Variants in RFC1 observed in about 807,000 individuals in gnomAD.
RFC1 encodes the protein replication factor C subunit 1.
RFC1 carries 37 observed loss-of-function variants against 137.4 expected under a neutral mutation model. The observed-to-expected ratio is 0.27, with a 90% CI of 0.21 to 0.35. RFC1 has a LOEUF of 0.35. Ranked by LOEUF, RFC1 falls within the 10% of genes least tolerant of loss-of-function variation. The probability of loss-of-function intolerance (pLI) is 1.00; values close to 1 mark genes in which losing one functional copy is unlikely to be tolerated. For synonymous variants in RFC1, 429 were observed against 455.7 expected (o/e 0.94, Z 0.75); for missense variants, 1,205 against 1,358.5 (o/e 0.89, Z 1.78).
intron 10 of RFC1, among the ~76,000 whole-genome samples, chr4:39,314,952 A>G (rs540069553): frequency 3.9e-4 from 59 of 152,132 alleles, no homozygotes; most frequent in African/African-American, 1.3e-3. Flanking sequence ...CATGCTTTAA[A>G]TATCTCCTAC....
intron 5 of RFC1, 74 bp from the exon 6 acceptor site, chr4:39,326,714 T>G: frequency 8.6e-7 from 1 of 1,159,676 alleles, no homozygotes; most frequent in Non-Finnish European, 1.3e-6. Flanking sequence ...TCTTGACTGT[T>G]GCTGATTAAA....
At chr4:39,288,936 C>A in intron 24 of RFC1, 92 bp from the exon 25 acceptor site, 5 of 833,464 alleles carry the variant, frequency 6.0e-6, no homozygotes, top group Non-Finnish European at 9.8e-6. Flanking sequence ...TCTTTACCTG[C>A]AACTTAATTA....
intron 4 of RFC1, among the ~76,000 whole-genome samples, chr4:39,328,806 G>A (rs1014512237): frequency 2.0e-5 from 3 of 152,068 alleles, no homozygotes; most frequent in Admixed American, 1.3e-4. Context: ...ACTGCAGAGC[G>A]GGGAAAGTGA....
At chr4:39,297,351 T>C (rs1255011320) in intron 21 of RFC1, among the ~76,000 whole-genome samples, 4 of 106,350 alleles carry the variant, frequency 3.8e-5, no homozygotes, top group Non-Finnish European at 7.4e-5. Flanking sequence ...TGAATGGTAA[T>C]GCCTAGGTTT....
At chr4:39,345,854 T>C (rs1740835654) in intron 2 of RFC1, among the ~76,000 whole-genome samples, 1 of 152,166 alleles carries the variant, frequency 6.6e-6, no homozygotes, top group Non-Finnish European at 1.5e-5. Flanking sequence ...TTTACTGTCA[T>C]GTAACAGGTA....
intron 11 of RFC1, among the ~76,000 whole-genome samples, 173 bp downstream of exon 11, chr4:39,312,579 C>CAA (rs1739009157): frequency 6.6e-6 from 1 of 152,026 alleles, no homozygotes; most frequent in Non-Finnish European, 1.5e-5. Context: ...ATTGGAAAAC[C>CAA]AAAATCCTGG....
intron 15 of RFC1, 97 bp downstream of exon 15, chr4:39,304,717 G>T: frequency 1.3e-6 from 1 of 781,036 alleles, no homozygotes; most frequent in Non-Finnish European, 2.3e-6. Context: ...TTAGTAGGGT[G>T]CTTGGCACAC....
At chr4:39,357,073 T>C (rs576150133) in intron 1 of RFC1, among the ~76,000 whole-genome samples, 1 of 152,264 alleles carries the variant, frequency 6.6e-6, no homozygotes, top group Non-Finnish European at 1.5e-5. Context: ...AGGTCTCTGT[T>C]CTTGTGAAGC....
intron 3 of RFC1, 122 bp downstream of exon 3, chr4:39,345,279 T>A (rs2109738720): frequency 1.4e-6 from 1 of 712,626 alleles, no homozygotes; most frequent in East Asian, 3.0e-5. Context: ...CCTCCCAAAG[T>A]GCTGCGATTG....
chr4:39,321,253 A>T (rs1739505404), intron 8 of RFC1, 34 bp downstream of exon 8: 2 of 1,476,858 alleles, frequency 1.4e-6, no homozygotes, highest in African/African-American at 2.8e-5. Context: ...CATGAAGACA[A>T]GTGCTCCATC....
rs141418649 is a variant in RFC1 at position 39,312,787 on chromosome 4, T to C, written c.1348A>G (p.Met450Val). Residue 450 changes from methionine to valine, a missense_variant, in exon 11 of 25, where the codon ATG (methionine) becomes GTG (valine). Met to Val is a conservative substitution (Grantham distance 21, BLOSUM62 1). Transcript: ENST00000349703. ...TTGGACTGTCCACTATCACGACCCA[T>C]GACAAGATAATTTGTTTTCTTGCTG... Reference protein sequence around the residue: ...NVSKKTNYLVMGRDSGQSKSD... With the variant: ...NVSKKTNYLVVGRDSGQSKSD... The C allele has an allele frequency of 5.0e-5, 80 of 1,614,038 alleles. No homozygotes were observed. Among genetic ancestry groups the C allele is most frequent in the Non-Finnish European group, 6.7e-5 (79 of 1,180,024 alleles).
At chr4:39,304,412 C>A (rs1738526173) in intron 15 of RFC1, among the ~76,000 whole-genome samples, 1 of 152,188 alleles carries the variant, frequency 6.6e-6, no homozygotes, top group African/African-American at 2.4e-5. Flanking sequence ...ATAATTACTT[C>A]TTCATCTGCT....
Position 39,309,075 on chromosome 4 carries a change from CAT to C in RFC1, c.1489-45_1489-44del, listed in dbSNP as rs767782875. 1.6e-5 allele frequency: 25 copies of C among 1,543,944 alleles called. No homozygotes were observed. The African/African-American group carries it at 3.2e-4, about 20-fold the overall frequency. ...TGAGGAAAAAAGAAACCTGATGAAA[CAT>C]ACAGAATTTCTATCCTGCTAAACGT... is the stretch of plus-strand genomic sequence containing the variant. On this transcript the variant is annotated intron_variant, in intron 12 of 24. Transcript: ENST00000349703.
chr4:39,338,673 G>A (rs1015120494), intron 4 of RFC1, among the ~76,000 whole-genome samples: 6 of 152,148 alleles, frequency 3.9e-5, no homozygotes, highest in African/African-American at 1.4e-4. Context: ...TATACAACAT[G>A]ATGTCAGGGG....
At chr4:39,335,279 T>C (rs186164700) in intron 4 of RFC1, among the ~76,000 whole-genome samples, 18 of 152,328 alleles carry the variant, frequency 1.2e-4, no homozygotes, top group Admixed American at 5.9e-4. Context: ...GGTTCATGTA[T>C]GTGCCAAGCC....
At chr4:39,364,360 T>C (rs989425573) in intron 1 of RFC1, among the ~76,000 whole-genome samples, 1 of 152,170 alleles carries the variant, frequency 6.6e-6, no homozygotes, top group Non-Finnish European at 1.5e-5. Context: ...TTGCTAATTG[T>C]TGCACTAGAG....
intron 3 of RFC1, among the ~76,000 whole-genome samples, chr4:39,344,125 A>C (rs1740737140): frequency 6.6e-6 from 1 of 152,066 alleles, no homozygotes; most frequent in African/African-American, 2.4e-5. Context: ...AAAAAAAAAA[A>C]AAATTCACAC....
At chr4:39,361,500 G>A (rs1741756143) in intron 1 of RFC1, among the ~76,000 whole-genome samples, 1 of 152,216 alleles carries the variant, frequency 6.6e-6, no homozygotes, top group South Asian at 2.1e-4. Context: ...GAAAAAGTAT[G>A]TCTGCTCTTG....
intron 5 of RFC1, among the ~76,000 whole-genome samples, chr4:39,326,989 T>A (rs1448812923): frequency 6.6e-6 from 1 of 152,236 alleles, no homozygotes; most frequent in Non-Finnish European, 1.5e-5. Context: ...TACATTGTTC[T>A]ATGGAGGAAG....
Sources: gnomAD v4.1 joint callset for allele counts (sites outside exome capture counted in the v4.1 genomes callset) on GRCh38, gnomAD v4.1.1 for gene constraint, MANE v1.5 for transcripts, NCBI Gene and HGNC (gene_info 2026-07-23, HGNC 2026-07-21) for gene names.